The following ATP8B3 variants were observed in gnomAD, a reference collection of about 807,000 sequenced individuals.
The protein encoded by ATP8B3 is phospholipid-transporting ATPase IK.
In ATP8B3, 141 loss-of-function variants were observed where a neutral mutation model predicts 140.9. That is an observed-to-expected ratio of 1.00 (90% CI 0.87 to 1.15). ATP8B3 has a LOEUF of 1.15. ATP8B3 is among the 50% of genes most tolerant of loss of function. ATP8B3 has a pLI of 0.00. For missense variants in ATP8B3, 1,874 were observed against 1,740.6 expected (o/e 1.08, Z -1.36); for synonymous variants, 765 against 714.6 (o/e 1.07, Z -1.13).
intron 25 of ATP8B3, 41 bp downstream of exon 25, chr19:1,787,062 A>C (rs763222362): frequency 6.6e-7 from 1 of 1,514,654 alleles, no homozygotes; most frequent in African/African-American, 1.4e-5. Flanking sequence ...GGAGAGGCTA[A>C]GCAGAGACCT....
Position 1,805,282 on chromosome 19 carries a change from T to G in ATP8B3, c.904+92A>C. ...GAGCCACTGGGCCTGGCCAGCACCT[T>G]GTTTTAAAAACAGTAATAACAACAA... On this transcript the variant is annotated intron_variant, in intron 10 of 28. Coordinates refer to ENST00000310127, the MANE Select transcript of ATP8B3 (RefSeq NM_138813.4). This position sits in a 1 kb window ranked among gnomAD's most constrained non-coding sequence, Gnocchi z 5.2. 1 of 1,306,544 alleles carries G rather than the reference T, an allele frequency of 7.7e-7. No individual in the cohort carries two copies. Among genetic ancestry groups the G allele is most frequent in the East Asian group, 2.5e-5 (1 of 39,640 alleles). The allele number at this position is 1,306,544 out of a possible 1,614,324, so 80.9% of individuals were successfully genotyped here.
rs1264529416 is a variant in ATP8B3, at chr19:1,783,588, G to A, written c.3661-318C>T. 2.6e-5 allele frequency among the ~76,000 whole-genome samples: 4 copies of A among 152,324 alleles called. No individual in the cohort carries two copies. In the East Asian group the frequency reaches 5.8e-4, roughly 22 times the overall value. On this transcript the variant is annotated intron_variant, in intron 28 of 28. Coordinates refer to ENST00000310127, the MANE Select transcript of ATP8B3 (RefSeq NM_138813.4). ...AGTCCTTCCCTGGGACTTAACCCTG[G>A]CTCAGCCAATCAGAGTCCTTCCCCG...
intron 20 of ATP8B3, 85 bp from the exon 21 acceptor site, chr19:1,790,917 T>C (rs1325723799): frequency 2.7e-6 from 3 of 1,113,358 alleles, no homozygotes; most frequent in Non-Finnish European, 2.5e-6. Context: ...CGGTGAATCC[T>C]GGCCCGACCA....
chr19:1,786,309 T>G (rs541242314), intron 25 of ATP8B3, among the ~76,000 whole-genome samples: 2 of 152,028 alleles, frequency 1.3e-5, no homozygotes, highest in African/African-American at 4.8e-5. Flanking sequence ...CTCACGCCTG[T>G]AATCCCAGCA....
chr19:1,785,100 C>T, intron 27 of ATP8B3, 59 bp downstream of exon 27: 1 of 1,489,986 alleles, frequency 6.7e-7, no homozygotes, highest in Non-Finnish European at 8.9e-7. Flanking sequence ...CCTGCAACCT[C>T]TTCCATCGGG....
chr19:1,789,053 C>T lies in ATP8B3; in HGVS notation c.2913G>A (p.Val971=). 2 of 1,604,338 alleles carry T rather than the reference C, an allele frequency of 1.2e-6. No individual in the cohort carries two copies. Among genetic ancestry groups the T allele is most frequent in the East Asian group, 2.2e-5 (1 of 44,540 alleles). The change falls in exon 24 of 29, where the codon GTG becomes GTA. Residue 971 remains valine, a synonymous_variant. Transcript: ENST00000310127. ...GMQAVQNSDF[V]LGQFCFLQRL... ...GCTGCAGGAAGCAGAACTGGCCGAGCACGAAGTCGCTGTTCTGAACTGCCT... is the reference window on the plus strand; with the variant it reads ...GCTGCAGGAAGCAGAACTGGCCGAGTACGAAGTCGCTGTTCTGAACTGCCT...
In ATP8B3 at chr19:1,800,317, CGAA is replaced by C. The variant is rs1568646431; in HGVS notation, c.1282_1284del (p.Phe428del). 2.5e-6 allele frequency: 4 copies of C among 1,612,842 alleles called. No homozygotes were observed. The highest frequency in any genetic ancestry group is 1.3e-5 in the African/African-American group (1 of 74,986). Reference sequence around the variant, plus strand: ...AGCAGGATGAGGAAGCTCCAGAAGACGAAGAAGGACTCTGCGGCCACGCTGCTC... The same window carrying C: ...AGCAGGATGAGGAAGCTCCAGAAGACGAAGGACTCTGCGGCCACGCTGCTC... On this transcript the variant is annotated inframe_deletion, in exon 13 of 29. Transcript: ENST00000310127. This position sits in a 1 kb window ranked among gnomAD's most constrained non-coding sequence, Gnocchi z 4.4.
At chr19:1,801,708 C>T (rs896121549) in intron 12 of ATP8B3, among the ~76,000 whole-genome samples, 18 of 152,048 alleles carry the variant, frequency 1.2e-4, no homozygotes, top group Admixed American at 4.6e-4. Flanking sequence ...GCCAAGATCA[C>T]GCCACTGCAC....
chr19:1,811,809 G>A lies in ATP8B3; in HGVS notation c.-73C>T. 7 of 1,461,164 alleles carry A rather than the reference G, an allele frequency of 4.8e-6. No homozygotes were observed. The highest frequency in any genetic ancestry group is 5.4e-6 in the Non-Finnish European group (6 of 1,101,232). 90.5% of individuals were successfully genotyped at this position (1,461,164 alleles called of 1,614,324 possible). On this transcript the variant is annotated 5_prime_UTR_variant, in exon 2 of 29. Coordinates refer to ENST00000310127, the MANE Select transcript of ATP8B3 (RefSeq NM_138813.4). ...TGTGGGACGGGGGAGAGGTGGGGGA[G>A]ACCCCCGTGGGGGCAGACTGGGGAT...
At chr19:1,804,376 G>T (rs1027694939) in intron 10 of ATP8B3, among the ~76,000 whole-genome samples, 2 of 152,194 alleles carry the variant, frequency 1.3e-5, no homozygotes, top group African/African-American at 4.8e-5. Flanking sequence ...TTGGGAAGCC[G>T]AGGCAGGTGG....
At chr19:1,784,791 G>A in intron 28 of ATP8B3, 28 bp downstream of exon 28, 3 of 1,573,046 alleles carry the variant, frequency 1.9e-6, no homozygotes, top group Admixed American at 1.8e-5. Context: ...TGTACCAGAT[G>A]AGGACCCCAG....
chr19:1,810,632 G>T lies in ATP8B3; in HGVS notation c.300C>A (p.Asp100Glu). 6.2e-7 allele frequency: 1 copy of T among 1,612,998 alleles called. No individual in the cohort carries two copies. ...GCCCAGGATCAGCACCTGAGTTCCT[G>T]TCCTCATCTTGGAGATCTTCTCTCT... is the stretch of plus-strand genomic sequence containing the variant. ...LGQREDLQDEDRNSAFTWKVQ... is the reference protein window; with the variant it reads ...LGQREDLQDEERNSAFTWKVQ... The change falls in exon 3 of 29, where the codon GAC becomes GAA. Residue 100 changes from aspartate (D) to glutamate (E), a missense_variant. By Grantham distance (45) the Asp-to-Glu change is conservative. Coordinates refer to ENST00000310127, the MANE Select transcript of ATP8B3 (RefSeq NM_138813.4).
At chr19:1,810,545 A>G (rs2069158012) in intron 3 of ATP8B3, 77 bp downstream of exon 3, 2 of 1,421,838 alleles carry the variant, frequency 1.4e-6, no homozygotes, top group African/African-American at 1.4e-5. Context: ...ATTACAGGGG[A>G]GAGCCACCAC....
At chr19:1,783,356 T>G (rs2068214793) in intron 28 of ATP8B3, 86 bp from the exon 29 acceptor site, 2 of 1,485,636 alleles carry the variant, frequency 1.3e-6, no homozygotes, top group Non-Finnish European at 1.8e-6. Context: ...GAGGCAGGAT[T>G]CAAAGCCCTT....
At chr19:1,786,517 G>A (rs2068308705) in intron 25 of ATP8B3, among the ~76,000 whole-genome samples, 1 of 150,252 alleles carries the variant, frequency 6.7e-6, no homozygotes, top group African/African-American at 2.5e-5. Flanking sequence ...AGTGAGCTGA[G>A]ATTGTGCCAC....
At chr19:1,799,459 C>CAA (rs2068774389) in intron 14 of ATP8B3, 1 of 198,360 alleles carries the variant, frequency 5.0e-6, no homozygotes. Flanking sequence ...AACTCCGTCT[C>CAA]AGAGAGAAAA....
Position 1,806,134 on chromosome 19 carries a change from C to G in ATP8B3, c.713G>C (p.Gly238Ala). The G allele has an allele frequency of 1.9e-6, 3 of 1,602,016 alleles. No individual in the cohort carries two copies. Among genetic ancestry groups the G allele is most frequent in the Non-Finnish European group, 2.6e-6 (3 of 1,174,756 alleles). Residue 238 changes from glycine (G) to alanine (A), a missense_variant, in exon 8 of 29, where the codon GGG becomes GCG. Physicochemically the swap from Gly to Ala is moderately conservative, Grantham distance 60. Around this residue, in one of 3 missense-constraint regions of ATP8B3, gnomAD observed 1,032 missense variants for 963.6 expected, o/e 1.07. Transcript: ENST00000310127. This position sits in a 1 kb window ranked among gnomAD's most constrained non-coding sequence, Gnocchi z 5.6. ...KQKKWQDLCV[G>A]DVVCLRKDNI... The stretch of plus-strand genomic sequence containing the variant: ...GTCCTTGCGGAGACAGACCACATCC[C>G]CCACGCACAGATCCTGCCATTTCTT...
intron 24 of ATP8B3, among the ~76,000 whole-genome samples, chr19:1,788,237 G>A (rs954733375): frequency 1.3e-5 from 2 of 152,128 alleles, no homozygotes; most frequent in Admixed American, 1.3e-4. Flanking sequence ...TCAGGATACC[G>A]CTCAGAGTCT....
chr19:1,791,033 C>G, intron 20 of ATP8B3, among the ~76,000 whole-genome samples: 1 of 152,194 alleles, frequency 6.6e-6, no homozygotes. Flanking sequence ...GGCTGTAGTT[C>G]TGGCCGGGAC....
Sources: allele counts gnomAD v4.1 joint callset (sites outside exome capture counted in the v4.1 genomes callset), GRCh38; gene constraint gnomAD v4.1.1; regional missense constraint gnomAD v4.1.1; non-coding constraint Gnocchi (gnomAD v3.1); transcripts MANE v1.5; gene names NCBI Gene and HGNC (gene_info 2026-07-23, HGNC 2026-07-21).